ANGEL1: variants seen among roughly 807,000 people sequenced by gnomAD.
The protein encoded by ANGEL1 is angel homolog 1.
In ANGEL1, 62 loss-of-function variants were observed where a neutral mutation model predicts 76.4. The ratio of observed to expected loss-of-function variants is 0.81; its 90% CI spans 0.66 to 1.00. The LOEUF is 1.00. Ranked by LOEUF, ANGEL1 falls within the 50% of genes least tolerant of loss-of-function variation. The pLI, the probability that ANGEL1 is intolerant of heterozygous loss-of-function variation, is 0.00. For synonymous variants in ANGEL1, 340 were observed against 331.7 expected (o/e 1.03, Z -0.27); for missense variants, 737 against 836.7 (o/e 0.88, Z 1.47).
In ANGEL1 at chr14:76,786,757, C is replaced by T. The variant is rs926595973; in HGVS notation, c.*2471G>A. ...CAGCGACAGATGGCCCACTGCTCAG[C>T]CCTGGCTCCAGAATGCAAAAGAGAT... On this transcript the variant is annotated 3_prime_UTR_variant, in exon 10 of 10. Transcript: ENST00000251089. 7 of 152,224 alleles carry T rather than the reference C, an allele frequency of 4.6e-5. No individual in the cohort carries two copies. The highest frequency in any genetic ancestry group is 1.7e-4 in the African/African-American group (7 of 41,430). 9.4% of individuals were successfully genotyped at this position (152,224 alleles called of 1,614,324 possible).
At chr14:76,797,365 C>T (rs771450141) in intron 7 of ANGEL1, among the ~76,000 whole-genome samples, 20 of 152,100 alleles carry the variant, frequency 1.3e-4, no homozygotes, top group Non-Finnish European at 2.4e-4. Context: ...TTTGGGAGGC[C>T]GAAGCCGGGG....
Position 76,793,604 on chromosome 14 carries a change from A to G in ANGEL1, c.1619-2238T>C, listed in dbSNP as rs1255956221. Among the ~76,000 whole-genome samples the G allele has an allele frequency of 2.9e-5, 4 of 137,874 alleles. No individual in the cohort carries two copies. In the East Asian group the frequency reaches 8.4e-4, roughly 29 times the overall value. 90.5% of individuals were successfully genotyped at this position (137,874 alleles called of 152,430 possible). ...TTGCAGACACGGATATGATGATCCT[A>G]AATTTCATACGGGAATGCAAGAGAC... On this transcript the variant is annotated intron_variant, in intron 7 of 9. Transcript: ENST00000251089.
Position 76,812,807 on chromosome 14 carries a change from A to G in ANGEL1, c.21T>C (p.Cys7=). The G allele has an allele frequency of 6.6e-7, 1 of 1,519,736 alleles. No homozygotes were observed. Among genetic ancestry groups the G allele is most frequent in the Non-Finnish European group, 8.8e-7 (1 of 1,138,520 alleles). The allele number at this position is 1,519,736 out of a possible 1,614,324, so 94.1% of individuals were successfully genotyped here. Reference sequence around the variant, plus strand: ...GGCGCGTGGCCGGCAGCAGCAGGTAACACAAGCACGACGCGATCATGGCCG... The same window carrying G: ...GGCGCGTGGCCGGCAGCAGCAGGTAGCACAAGCACGACGCGATCATGGCCG... MIASCL[C]YLLLPATRLF... The change falls in exon 1 of 10, where the codon TGT becomes TGC. Residue 7 remains cysteine (C), a synonymous_variant. Transcript: ENST00000251089.
chr14:76,802,442 G>A (rs1894794014), intron 7 of ANGEL1, among the ~76,000 whole-genome samples: 1 of 152,280 alleles, frequency 6.6e-6, no homozygotes, highest in East Asian at 1.9e-4. Flanking sequence ...GGTATTTCAA[G>A]TAACGGGAAT....
At chr14:76,802,032 C>T (rs1210008280) in intron 7 of ANGEL1, among the ~76,000 whole-genome samples, 1 of 151,810 alleles carries the variant, frequency 6.6e-6, no homozygotes, top group African/African-American at 2.4e-5. Context: ...ATTAGCCAGG[C>T]GTGGCAGCAT....
At position 76,787,064 on chromosome 14, in the gene ANGEL1, G is replaced by A. The variant is rs1894278291; in HGVS notation, c.*2164C>T. 1 of 152,218 alleles carries A rather than the reference G, an allele frequency of 6.6e-6. No individual in the cohort carries two copies. Among genetic ancestry groups the A allele is most frequent in the Non-Finnish European group, 1.5e-5 (1 of 68,060 alleles). 9.4% of individuals were successfully genotyped at this position (152,218 alleles called of 1,614,324 possible). On this transcript the variant is annotated 3_prime_UTR_variant, in exon 10 of 10. Transcript: ENST00000251089. The stretch of plus-strand genomic sequence containing the variant: ...CCTGTTCCTCCCAGGCCTCACAGCA[G>A]TGGGAATTTACCTCAGCTAATAGAG...
chr14:76,806,301 G>T, intron 5 of ANGEL1, 115 bp downstream of exon 5: 1 of 1,094,676 alleles, frequency 9.1e-7, no homozygotes, highest in Non-Finnish European at 1.3e-6. Context: ...AGAAAAAGGA[G>T]GAGCAGGCCA....
chr14:76,803,968 C>A, intron 5 of ANGEL1, 56 bp from the exon 6 acceptor site: 1 of 1,613,960 alleles, frequency 6.2e-7, no homozygotes, highest in South Asian at 1.1e-5. Flanking sequence ...AAGGAAGTAA[C>A]AGCCCATGTT....
At position 76,803,904 on chromosome 14, in the gene ANGEL1, T is replaced by A. The variant is rs1157997217; in HGVS notation, c.1389A>T (p.Gly463=). 1 of 1,614,124 alleles carries A rather than the reference T, an allele frequency of 6.2e-7. No homozygotes were observed. The highest frequency in any genetic ancestry group is 2.2e-5 in the East Asian group (1 of 44,886). Residue 463 remains glycine, a synonymous_variant, in exon 6 of 10, where the codon GGA becomes GGT. Transcript: ENST00000251089. ...AAAGCTGATGGGAGAAGTCTTCCTG[T>A]CCAGATACCTGGGTGGAAAAAGAAG... ...YHGMPAWKVS[G]QEDFSHQLYQ...
intron 7 of ANGEL1, among the ~76,000 whole-genome samples, chr14:76,795,089 T>TA (rs1272721866): frequency 4.6e-5 from 7 of 152,204 alleles, no homozygotes; most frequent in Non-Finnish European, 8.8e-5. Flanking sequence ...GGAATGCTAT[T>TA]AGAGTTTTTT....
Position 76,788,604 on chromosome 14 carries a change from T to C in ANGEL1, c.*624A>G, listed in dbSNP as rs565396947. 3 of 152,450 alleles carry C rather than the reference T, an allele frequency of 2.0e-5. No individual in the cohort carries two copies. The highest frequency in any genetic ancestry group is 6.5e-5 in the Admixed American group (1 of 15,296). The allele number at this position is 152,450 out of a possible 1,614,324, so 9.4% of individuals were successfully genotyped here. A position where few individuals can be genotyped will look rare whatever the true frequency, so the allele number is the denominator to read the frequency against. ...CCTGGTTGGCAGGATGAATGCCTAA[T>C]GAAACACAGAGGCTAAAAGGAGAGA... On this transcript the variant is annotated 3_prime_UTR_variant, in exon 10 of 10. Coordinates refer to ENST00000251089, the MANE Select transcript of ANGEL1 (RefSeq NM_015305.4).
intron 4 of ANGEL1, among the ~76,000 whole-genome samples, chr14:76,807,210 T>A (rs1894944428): frequency 6.6e-6 from 1 of 152,228 alleles, no homozygotes; most frequent in African/African-American, 2.4e-5. Context: ...AAAATGGGAA[T>A]AACAGTCTCA....
Position 76,786,767 on chromosome 14 carries a change from A to G in ANGEL1, c.*2461T>C, listed in dbSNP as rs1595289266. The G allele has an allele frequency of 6.6e-6, 1 of 152,406 alleles. No individual in the cohort carries two copies. The highest frequency in any genetic ancestry group is 1.9e-4 in the East Asian group (1 of 5,180). 9.4% of individuals were successfully genotyped at this position (152,406 alleles called of 1,614,324 possible). ...TGGCCCACTGCTCAGCCCTGGCTCCAGAATGCAAAAGAGATCAGAAATAGA... is the reference window on the plus strand; with the variant it reads ...TGGCCCACTGCTCAGCCCTGGCTCCGGAATGCAAAAGAGATCAGAAATAGA... On this transcript the variant is annotated 3_prime_UTR_variant, in exon 10 of 10. Coordinates refer to ENST00000251089, the MANE Select transcript of ANGEL1 (RefSeq NM_015305.4).
chr14:76,789,014 G>T lies in ANGEL1; in HGVS notation c.*214C>A. On this transcript the variant is annotated 3_prime_UTR_variant, in exon 10 of 10. Transcript: ENST00000251089. Reference sequence around the variant, plus strand: ...CCAGGGCCACTGAGTGTGTGGCACAGGATTAGGAAGAGGCTGGGGTGGGGC... The same window carrying T: ...CCAGGGCCACTGAGTGTGTGGCACATGATTAGGAAGAGGCTGGGGTGGGGC... 1.7e-6 allele frequency: 1 copy of T among 604,598 alleles called. No homozygotes were observed. Among genetic ancestry groups the T allele is most frequent in the Non-Finnish European group, 2.8e-6 (1 of 351,004 alleles). 37.5% of individuals were successfully genotyped at this position (604,598 alleles called of 1,614,324 possible). A position where few individuals can be genotyped will look rare whatever the true frequency, so the allele number is the denominator to read the frequency against.
At chr14:76,811,381 G>A (rs755882983) in intron 1 of ANGEL1, among the ~76,000 whole-genome samples, 5 of 151,746 alleles carry the variant, frequency 3.3e-5, no homozygotes, top group Non-Finnish European at 5.9e-5. Flanking sequence ...GAAGTTACTA[G>A]CTTTCAATTT....
rs1444084114 is a variant in ANGEL1, at chr14:76,803,286, AG to A, written c.1618+84del. The A allele has an allele frequency of 6.4e-6, 7 of 1,092,190 alleles. No individual in the cohort carries two copies. The African/African-American group carries it at 1.1e-4, about 17-fold the overall frequency. The allele number at this position is 1,092,190 out of a possible 1,614,324, so 67.7% of individuals were successfully genotyped here. On this transcript the variant is annotated intron_variant, in intron 7 of 9. Coordinates refer to ENST00000251089, the MANE Select transcript of ANGEL1 (RefSeq NM_015305.4). ...AAGCTAATCTCTAAGAATTATACTTAGAAAAGAGCAGGAAACCACATAACTG... is the reference window on the plus strand; with the variant it reads ...AAGCTAATCTCTAAGAATTATACTTAAAAAGAGCAGGAAACCACATAACTG...
At chr14:76,792,790 C>T (rs1301500466) in intron 7 of ANGEL1, among the ~76,000 whole-genome samples, 1 of 152,158 alleles carries the variant, frequency 6.6e-6, no homozygotes, top group Non-Finnish European at 1.5e-5. Context: ...TAATATCATA[C>T]TTAATGGTGA....
Position 76,803,440 on chromosome 14 carries a change from A to G in ANGEL1, c.1549T>C (p.Phe517Leu). The change falls in exon 7 of 10, where the codon TTC becomes CTC. Residue 517 changes from phenylalanine (F) to leucine (L), a missense_variant. Physicochemically the swap from Phe to Leu is conservative, Grantham distance 22. This residue lies in a region of ANGEL1 where 296 missense variants were observed against 387.2 expected (regional missense o/e 0.76). Coordinates refer to ENST00000251089, the MANE Select transcript of ANGEL1 (RefSeq NM_015305.4). ...YGRDFLLRFR[F>L]CSIACQRPVG... ...GGTCGCTGACAAGCGATGCTGCAGAAGCGGAAACGTAGCAGGAAGTCTCGG... is the reference window on the plus strand; with the variant it reads ...GGTCGCTGACAAGCGATGCTGCAGAGGCGGAAACGTAGCAGGAAGTCTCGG... 6.2e-7 allele frequency: 1 copy of G among 1,614,246 alleles called. No homozygotes were observed. Among genetic ancestry groups the G allele is most frequent in the East Asian group, 2.2e-5 (1 of 44,890 alleles).
Position 76,786,647 on chromosome 14 carries a change from T to A in ANGEL1, c.*2581A>T, listed in dbSNP as rs1894269928. 6.6e-6 allele frequency: 1 copy of A among 152,166 alleles called. No individual in the cohort carries two copies. The highest frequency in any genetic ancestry group is 2.4e-5 in the African/African-American group (1 of 41,428). 9.4% of individuals were successfully genotyped at this position (152,166 alleles called of 1,614,324 possible). On this transcript the variant is annotated 3_prime_UTR_variant, in exon 10 of 10. Coordinates refer to ENST00000251089, the MANE Select transcript of ANGEL1 (RefSeq NM_015305.4). ...GGTTTCAGGGCTCCCAGTGGGCATG[T>A]GGGCTTGGCTGGTCTTACTACATAG...
Sources: gnomAD v4.1 joint callset for allele counts (sites outside exome capture counted in the v4.1 genomes callset) on GRCh38, gnomAD v4.1.1 for gene constraint, gnomAD v4.1.1 regional missense constraint, MANE v1.5 for transcripts, NCBI Gene and HGNC (gene_info 2026-07-23, HGNC 2026-07-21) for gene names.